Variants in KDM6A observed in about 807,000 individuals in gnomAD.
The protein encoded by KDM6A is lysine-specific demethylase 6A.
In KDM6A, 11 loss-of-function variants were observed where a neutral mutation model predicts 117.6. The ratio of observed to expected loss-of-function variants is 0.09; its 90% confidence interval spans 0.06 to 0.15. The LOEUF (loss-of-function observed/expected upper bound fraction) is 0.15, where lower values mean the gene tolerates loss of function less well. Among genes scored for constraint, KDM6A ranks in the 10% least tolerant of loss-of-function variants. The pLI is 1.00. For missense variants in KDM6A, 799 were observed against 1,077.3 expected (o/e 0.74, Z 3.62); for synonymous variants, 384 against 396.1 (o/e 0.97, Z 0.36).
chrX:44,894,434 G>A (rs1282931501), intron 2 of KDM6A, among the ~76,000 whole-genome samples: 1 of 110,510 alleles, frequency 9.0e-6, no homozygotes, highest in Non-Finnish European at 1.9e-5. Flanking sequence ...TTGTAGTTTT[G>A]AGGAGTTGAT....
chrX:44,903,185 A>G (rs2034458195), intron 2 of KDM6A, among the ~76,000 whole-genome samples: 1 of 112,079 alleles, frequency 8.9e-6, no homozygotes, highest in Admixed American at 9.5e-5. Flanking sequence ...TGACAAATTC[A>G]GTTTTTGTTT....
intron 17 of KDM6A, among the ~76,000 whole-genome samples, chrX:45,068,786 T>TTCTTTCTCTTTCTCTTTCTCTTTC (rs758877055): frequency 0.014 from 1,215 of 85,432 alleles, 9 homozygotes; most frequent in Non-Finnish European, 0.017. Context: ...CTCCTCTCTC[T>TTCTTTCTCTTTCTCTTTCTCTTTC]TCTTTCTCTT....
At chrX:45,021,207 T>G (rs2042158069) in intron 6 of KDM6A, among the ~76,000 whole-genome samples, 1 of 112,019 alleles carries the variant, frequency 8.9e-6, no homozygotes, top group Admixed American at 9.5e-5. Context: ...GCATTTGGAC[T>G]GTTGGTTTGT....
chrX:45,023,029 A>G (rs1486772293), intron 6 of KDM6A, among the ~76,000 whole-genome samples: 2 of 112,349 alleles, frequency 1.8e-5, no homozygotes, highest in Non-Finnish European at 3.8e-5. Context: ...GATCTCTTCA[A>G]AAATACTTCA....
intron 2 of KDM6A, among the ~76,000 whole-genome samples, chrX:44,937,016 A>G (rs954749817): frequency 7.2e-5 from 8 of 111,795 alleles, no homozygotes; most frequent in South Asian, 7.4e-4. Context: ...CAAATTATTT[A>G]GGATACACCA....
At chrX:45,075,258 G>C (rs754106677) in intron 18 of KDM6A, among the ~76,000 whole-genome samples, 93 of 111,257 alleles carry the variant, frequency 8.4e-4, no homozygotes, top group African/African-American at 3.0e-3. Context: ...TTCTTTCCCA[G>C]TCTCGCCAAA....
intron 27 of KDM6A, among the ~76,000 whole-genome samples, chrX:45,092,890 G>A (rs1214603685): frequency 9.0e-6 from 1 of 110,803 alleles, no homozygotes; most frequent in Non-Finnish European, 1.9e-5. Context: ...ACTTTGGCAT[G>A]TTTATGGGAC....
chrX:45,057,482 A>G (rs1212318690), intron 10 of KDM6A, among the ~76,000 whole-genome samples: 1 of 110,708 alleles, frequency 9.0e-6, no homozygotes, highest in Non-Finnish European at 1.9e-5. Context: ...TTTCACTCCA[A>G]TTTTGGCCTG....
At chrX:44,941,685 T>C (rs1157610569) in intron 2 of KDM6A, among the ~76,000 whole-genome samples, 1 of 110,003 alleles carries the variant, frequency 9.1e-6, no homozygotes. Context: ...GGTTTCACCA[T>C]GTTAGCCAGG....
chrX:45,093,520 C>G (rs551560721), intron 27 of KDM6A, among the ~76,000 whole-genome samples: 1 of 110,570 alleles, frequency 9.0e-6, no homozygotes, highest in Admixed American at 9.6e-5. Flanking sequence ...ACAGAGATTT[C>G]CCTGTAAAAA....
At chrX:45,101,317 A>G (rs1462575075) in intron 27 of KDM6A, among the ~76,000 whole-genome samples, 1 of 111,811 alleles carries the variant, frequency 8.9e-6, no homozygotes, top group Non-Finnish European at 1.9e-5. Context: ...AATAACTTTT[A>G]TGACTGTTAT....
intron 3 of KDM6A, among the ~76,000 whole-genome samples, chrX:44,969,964 A>AT (rs773426266): frequency 1.1e-3 from 127 of 112,232 alleles, no homozygotes; most frequent in Non-Finnish European, 2.1e-3. Context: ...TAGACTAGGA[A>AT]TTTTTTTATG....
intron 8 of KDM6A, among the ~76,000 whole-genome samples, chrX:45,041,150 C>T (rs1299190410): frequency 7.7e-5 from 6 of 78,417 alleles, no homozygotes; most frequent in African/African-American, 1.2e-4. Context: ...CCCTCCCGGA[C>T]GGGGCGGCTG....
At chrX:45,081,294 G>A (rs1211220390) in intron 21 of KDM6A, among the ~76,000 whole-genome samples, 1 of 112,048 alleles carries the variant, frequency 8.9e-6, no homozygotes, top group African/African-American at 3.2e-5. Context: ...TTTGACAAAT[G>A]TTCAGACACT....
intron 4 of KDM6A, among the ~76,000 whole-genome samples, chrX:44,997,465 C>T (rs2040917822): frequency 9.0e-6 from 1 of 111,663 alleles, no homozygotes; most frequent in African/African-American, 3.3e-5. Flanking sequence ...TGTCCAGCCA[C>T]TTGTCTTCTT....
intron 2 of KDM6A, among the ~76,000 whole-genome samples, chrX:44,911,997 A>G (rs149167264): frequency 0.045 from 4,464 of 98,885 alleles, 308 homozygotes; most frequent in African/African-American, 0.16. Context: ...GCTTTGGCTC[A>G]GCATCAGAGG....
intron 4 of KDM6A, among the ~76,000 whole-genome samples, chrX:44,991,482 C>T (rs1483641687): frequency 2.7e-5 from 3 of 111,089 alleles, no homozygotes; most frequent in African/African-American, 9.8e-5. Flanking sequence ...GCATTGTCTT[C>T]CCTCCACTCT....
At chrX:45,031,197 A>G (rs748998590) in intron 6 of KDM6A, among the ~76,000 whole-genome samples, 5 of 111,673 alleles carry the variant, frequency 4.5e-5, no homozygotes, top group East Asian at 5.6e-4. Flanking sequence ...TTCCTCATCT[A>G]TATCTTTTTG....
At chrX:44,899,004 GGTGTGTGTGTGT>G (rs745714866) in intron 2 of KDM6A, among the ~76,000 whole-genome samples, 14 of 79,641 alleles carry the variant, frequency 1.8e-4, no homozygotes, top group Non-Finnish European at 2.7e-4. Context: ...GGAGAGGGAG[GGTGTGTGTGTGT>G]GTGTGTGTGT....
Sources: allele counts gnomAD v4.1 joint callset (sites outside exome capture counted in the v4.1 genomes callset), GRCh38; gene constraint gnomAD v4.1.1; transcripts MANE v1.5; gene names NCBI Gene and HGNC (gene_info 2026-07-23, HGNC 2026-07-21).